The following LINGO2 variants were observed in gnomAD, a reference collection of about 807,000 sequenced individuals.
LINGO2 encodes leucine-rich repeat and immunoglobulin-like domain-containing nogo receptor-interacting protein 2.
A neutral mutation model predicts 30.6 loss-of-function variants in LINGO2; 14 were observed. The observed-to-expected ratio is 0.46, with a 90% CI of 0.30 to 0.72. LINGO2 has a LOEUF of 0.72. Ranked by LOEUF, LINGO2 falls within the 30% of genes least tolerant of loss-of-function variation. The pLI is 0.07. For missense variants in LINGO2, 729 were observed against 751.7 expected, an observed-to-expected ratio of 0.97 and a Z score of 0.35; for synonymous variants, 317 against 288.5, an observed-to-expected ratio of 1.10 and a Z score of -1.00.
chr9:28,787,548 T>C, the LINGO2 span, among the ~76,000 whole-genome samples: 1 of 152,046 alleles, frequency 6.6e-6, no homozygotes, highest in Non-Finnish European at 1.5e-5. Context: ...TGTCAAAAAA[T>C]CTAGAACAAT....
chr9:28,356,192 C>T (rs911776215), intron 3 of LINGO2, among the ~76,000 whole-genome samples: 2 of 152,002 alleles, frequency 1.3e-5, no homozygotes. Context: ...ACTAAGCATG[C>T]AAAGTGGTCC....
chr9:28,619,672 T>C (rs542501353), intron 1 of LINGO2, among the ~76,000 whole-genome samples: 4 of 152,236 alleles, frequency 2.6e-5, no homozygotes, highest in African/African-American at 7.2e-5. Flanking sequence ...TGTATTTCTT[T>C]ACCCTGTTCT....
the LINGO2 span, among the ~76,000 whole-genome samples, chr9:29,033,398 A>ATATATATATATATATATATATATATATC: frequency 6.7e-6 from 1 of 149,764 alleles, no homozygotes; most frequent in Non-Finnish European, 1.5e-5. Context: ...ATATATATAT[A>ATATATATATATATATATATATATATATC]TCTCTTCTAT....
chr9:29,172,600 T>A, the LINGO2 span, among the ~76,000 whole-genome samples: 1 of 151,860 alleles, frequency 6.6e-6, no homozygotes, highest in Non-Finnish European at 1.5e-5. Context: ...AACAATAATA[T>A]AACAATGCAA....
chr9:28,356,634 G>C (rs1820220387), intron 3 of LINGO2, among the ~76,000 whole-genome samples: 1 of 152,110 alleles, frequency 6.6e-6, no homozygotes, highest in Non-Finnish European at 1.5e-5. Flanking sequence ...AGGAAATTGA[G>C]AAATCACTTA....
At chr9:28,827,291 C>T in the LINGO2 span, among the ~76,000 whole-genome samples, 2 of 152,106 alleles carry the variant, frequency 1.3e-5, no homozygotes, top group Non-Finnish European at 2.9e-5. Flanking sequence ...TTTGAGATGG[C>T]TCTAATTACT....
chr9:28,002,357 G>A (rs1465312803), intron 5 of LINGO2, among the ~76,000 whole-genome samples: 1 of 151,838 alleles, frequency 6.6e-6, no homozygotes, highest in African/African-American at 2.4e-5. Flanking sequence ...TTCTAAATTA[G>A]AAAGTACCAC....
intron 2 of LINGO2, among the ~76,000 whole-genome samples, chr9:28,451,930 T>A (rs527370866): frequency 2.2e-4 from 34 of 151,852 alleles, no homozygotes; most frequent in Non-Finnish European, 4.6e-4. Flanking sequence ...AATTTTAGTG[T>A]ATATTATTTT....
chr9:29,042,698 T>C, the LINGO2 span, among the ~76,000 whole-genome samples: 5 of 152,112 alleles, frequency 3.3e-5, no homozygotes, highest in Admixed American at 3.3e-4. Flanking sequence ...TGTTTTAATA[T>C]ATGTACACAT....
the LINGO2 span, among the ~76,000 whole-genome samples, chr9:29,089,811 C>T: frequency 6.6e-6 from 1 of 151,898 alleles, no homozygotes; most frequent in Non-Finnish European, 1.5e-5. Context: ...GAAACTAGTT[C>T]CATGAATGTC....
chr9:28,662,198 T>G (rs543832235), intron 1 of LINGO2, among the ~76,000 whole-genome samples: 12 of 152,184 alleles, frequency 7.9e-5, no homozygotes, highest in African/African-American at 2.6e-4. Flanking sequence ...CACACAACAG[T>G]AGGGCAAAAT....
intron 4 of LINGO2, among the ~76,000 whole-genome samples, chr9:28,100,323 C>A (rs1587847203): frequency 6.6e-6 from 1 of 152,124 alleles, no homozygotes; most frequent in Admixed American, 6.6e-5. Context: ...GTGCTAGGCA[C>A]TAGATATGCA....
chr9:29,115,855 TAAATA>T, the LINGO2 span, among the ~76,000 whole-genome samples: 3 of 152,102 alleles, frequency 2.0e-5, no homozygotes, highest in African/African-American at 7.2e-5. Context: ...ATCACAAACA[TAAATA>T]AATAATATCT....
intron 1 of LINGO2, among the ~76,000 whole-genome samples, chr9:28,557,364 G>C (rs1419298324): frequency 2.0e-5 from 3 of 152,082 alleles, no homozygotes; most frequent in Non-Finnish European, 4.4e-5. Flanking sequence ...CTTAAAAGAA[G>C]ACATTTATGC....
the LINGO2 span, among the ~76,000 whole-genome samples, chr9:29,025,732 T>A: frequency 6.6e-6 from 1 of 152,178 alleles, no homozygotes. Context: ...CACCATGTTG[T>A]GTAACAGATC....
intron 1 of LINGO2, among the ~76,000 whole-genome samples, chr9:28,567,704 C>T (rs188752453): frequency 5.9e-5 from 9 of 151,992 alleles, no homozygotes; most frequent in African/African-American, 2.2e-4. Flanking sequence ...TACTATGTTC[C>T]TATTTGGGTG....
chr9:28,737,427 G>C, the LINGO2 span, among the ~76,000 whole-genome samples: 1 of 152,166 alleles, frequency 6.6e-6, no homozygotes, highest in Non-Finnish European at 1.5e-5. Flanking sequence ...AAGCTACTAA[G>C]TCTTGCATGG....
chr9:28,042,436 G>A (rs1453396538), intron 4 of LINGO2, among the ~76,000 whole-genome samples: 1 of 152,208 alleles, frequency 6.6e-6, no homozygotes, highest in Non-Finnish European at 1.5e-5. Flanking sequence ...GGAGTTTGAG[G>A]ATGAGCTATG....
At chr9:28,588,079 A>T (rs1199943758) in intron 1 of LINGO2, among the ~76,000 whole-genome samples, 1 of 152,020 alleles carries the variant, frequency 6.6e-6, no homozygotes, top group Non-Finnish European at 1.5e-5. Context: ...CCAGATACAA[A>T]TCCGGAGGAA....
Sources: allele counts gnomAD v4.1 joint callset (sites outside exome capture counted in the v4.1 genomes callset), GRCh38; gene constraint gnomAD v4.1.1; transcripts MANE v1.5; gene names NCBI Gene and HGNC (gene_info 2026-07-23, HGNC 2026-07-21).